MARCHF1: variants seen among roughly 807,000 people sequenced by gnomAD.
MARCHF1 encodes the protein membrane associated ring-CH-type finger 1, also known as E3 ubiquitin-protein ligase MARCHF1.
MARCHF1 carries 40 observed loss-of-function variants against 54.2 expected under a neutral mutation model. The observed-to-expected ratio is 0.74, with a 90% CI of 0.57 to 0.96. MARCHF1 has a LOEUF of 0.96. MARCHF1 is among the 40% of genes least tolerant of loss of function. MARCHF1 has a pLI of 0.00. For missense variants in MARCHF1, 586 were observed against 656.5 expected (o/e 0.89, Z 1.17); for synonymous variants, 236 against 236.3 (o/e 1.00, Z 0.01).
chr4:164,128,112 T>C (rs752606931), intron 1 of MARCHF1, among the ~76,000 whole-genome samples: 1 of 152,120 alleles, frequency 6.6e-6, no homozygotes, highest in Non-Finnish European at 1.5e-5. Context: ...TGGAAATCAA[T>C]TAAAATTGGA....
At chr4:163,733,224 C>CACATAT (rs59391980) in intron 4 of MARCHF1, among the ~76,000 whole-genome samples, 1 of 11,500 alleles carries the variant, frequency 8.7e-5, no homozygotes, top group African/African-American at 2.0e-4. Flanking sequence ...TATATATACA[C>CACATAT]GTGTATATAT....
At chr4:164,057,071 A>G (rs1754508800) in intron 2 of MARCHF1, among the ~76,000 whole-genome samples, 1 of 152,212 alleles carries the variant, frequency 6.6e-6, no homozygotes, top group Admixed American at 6.5e-5. Context: ...ATAGCAAATT[A>G]AAAACACTGT....
chr4:163,644,160 T>G (rs755981009), intron 5 of MARCHF1, among the ~76,000 whole-genome samples: 9 of 152,194 alleles, frequency 5.9e-5, no homozygotes, highest in Admixed American at 1.3e-4. Flanking sequence ...AATATTGTTT[T>G]CTCAAAAGCT....
intron 1 of MARCHF1, among the ~76,000 whole-genome samples, chr4:164,371,146 C>A (rs976863063): frequency 3.3e-5 from 5 of 151,968 alleles, no homozygotes; most frequent in African/African-American, 1.2e-4. Context: ...CCTAGATATG[C>A]CAGAGTTAGC....
intron 5 of MARCHF1, among the ~76,000 whole-genome samples, chr4:163,630,632 A>G (rs1455188795): frequency 6.6e-6 from 1 of 152,206 alleles, no homozygotes; most frequent in East Asian, 1.9e-4. Flanking sequence ...TAATTTGGCT[A>G]TAGTGTGCAA....
chr4:164,272,109 G>C (rs1315251420), intron 1 of MARCHF1, among the ~76,000 whole-genome samples: 1 of 151,914 alleles, frequency 6.6e-6, no homozygotes, highest in Non-Finnish European at 1.5e-5. Flanking sequence ...CCTGATAAAA[G>C]TTAGAGTCTA....
intron 3 of MARCHF1, among the ~76,000 whole-genome samples, chr4:163,923,886 TGA>T: frequency 6.7e-6 from 1 of 150,332 alleles, no homozygotes; most frequent in Non-Finnish European, 1.5e-5. Context: ...TGATAGGTGA[TGA>T]TAGATAGATA....
chr4:164,014,999 C>T (rs1463143919), intron 2 of MARCHF1, among the ~76,000 whole-genome samples: 1 of 152,130 alleles, frequency 6.6e-6, no homozygotes, highest in African/African-American at 2.4e-5. Context: ...AAAGAGACAT[C>T]AGACTTAAGA....
chr4:163,919,926 G>GA (rs1751386928), intron 3 of MARCHF1, among the ~76,000 whole-genome samples: 2 of 152,100 alleles, frequency 1.3e-5, no homozygotes, highest in Admixed American at 1.3e-4. Context: ...AAAAAGAATA[G>GA]AATACAATTT....
intron 4 of MARCHF1, among the ~76,000 whole-genome samples, chr4:163,756,464 T>TAA (rs536318351): frequency 1.5e-3 from 215 of 147,188 alleles, no homozygotes; most frequent in African/African-American, 5.1e-3. Flanking sequence ...CTGTCTCTAT[T>TAA]AAAAAAAAAA....
At chr4:164,271,385 C>T (rs1733742390) in intron 1 of MARCHF1, among the ~76,000 whole-genome samples, 2 of 152,108 alleles carry the variant, frequency 1.3e-5, no homozygotes, top group Non-Finnish European at 2.9e-5. Flanking sequence ...AGAAATGTGA[C>T]ATTGCCAGCT....
intron 4 of MARCHF1, among the ~76,000 whole-genome samples, chr4:163,844,088 G>T (rs987297078): frequency 6.6e-6 from 1 of 151,832 alleles, no homozygotes; most frequent in Non-Finnish European, 1.5e-5. Context: ...CAAGTATTAA[G>T]CCTAGTACCC....
intron 4 of MARCHF1, among the ~76,000 whole-genome samples, chr4:163,737,175 T>A (rs534905527): frequency 1.4e-5 from 1 of 73,986 alleles, no homozygotes; most frequent in African/African-American, 3.1e-5. Context: ...TTTTTTTTTT[T>A]TTTTTTTCAC....
chr4:164,350,912 G>T (rs1400762189), intron 1 of MARCHF1, among the ~76,000 whole-genome samples: 2 of 152,062 alleles, frequency 1.3e-5, no homozygotes, highest in East Asian at 1.9e-4. Flanking sequence ...GCGTGCACCG[G>T]GCGCGAGCCG....
chr4:163,778,829 A>G (rs1747379149), intron 4 of MARCHF1, among the ~76,000 whole-genome samples: 1 of 152,104 alleles, frequency 6.6e-6, no homozygotes, highest in African/African-American at 2.4e-5. Flanking sequence ...AGTGTGGAGT[A>G]ATAGACAATA....
intron 2 of MARCHF1, among the ~76,000 whole-genome samples, chr4:164,078,456 C>A (rs1379990872): frequency 1.3e-5 from 2 of 152,050 alleles, no homozygotes; most frequent in African/African-American, 4.8e-5. Flanking sequence ...CAACAAACCA[C>A]CATGGCACAT....
chr4:164,093,179 T>C (rs1755339507), intron 2 of MARCHF1, among the ~76,000 whole-genome samples: 1 of 152,162 alleles, frequency 6.6e-6, no homozygotes, highest in African/African-American at 2.4e-5. Context: ...TGTTTTACAG[T>C]AGAAGTACTG....
chr4:164,314,806 T>C (rs1322780202), intron 1 of MARCHF1, among the ~76,000 whole-genome samples: 1 of 152,228 alleles, frequency 6.6e-6, no homozygotes, highest in Non-Finnish European at 1.5e-5. Flanking sequence ...CGTCAGATAC[T>C]ATGTTCACTA....
At chr4:163,803,415 C>G (rs775007395) in intron 4 of MARCHF1, among the ~76,000 whole-genome samples, 1 of 149,042 alleles carries the variant, frequency 6.7e-6, no homozygotes, top group Non-Finnish European at 1.5e-5. Context: ...TCATATGATC[C>G]GCCCACCGGG....
Sources: gnomAD v4.1 joint callset for allele counts (sites outside exome capture counted in the v4.1 genomes callset) on GRCh38, gnomAD v4.1.1 for gene constraint, MANE v1.5 for transcripts, NCBI Gene and HGNC (gene_info 2026-07-23, HGNC 2026-07-21) for gene names.